Variants in HS3ST6 observed in about 807,000 individuals in gnomAD.
HS3ST6 encodes the protein heparan sulfate glucosamine 3-O-sulfotransferase 6.
HS3ST6 carries 13 observed loss-of-function variants against 11.0 expected under a neutral mutation model. That is an observed-to-expected ratio of 1.18 (90% CI 0.77 to 1.88). The LOEUF (loss-of-function observed/expected upper bound fraction) is 1.88. Among genes scored for constraint, HS3ST6 ranks in the 40% most tolerant of loss-of-function variants. The probability of loss-of-function intolerance (pLI) is 0.00; values close to 1 mark genes in which losing one functional copy is unlikely to be tolerated. For synonymous variants in HS3ST6, 232 were observed against 230.6 expected (o/e 1.01, Z -0.06); for missense variants, 541 against 494.4 (o/e 1.09, Z -0.89).
At chr16:1,919,427 G>A (rs891791421), upstream of HS3ST6, among the ~76,000 whole-genome samples, 13 of 152,334 alleles carry the variant, frequency 8.5e-5, no homozygotes, top group Non-Finnish European at 1.5e-4. Flanking sequence ...GGCGAGCCGG[G>A]CTCAGAGAGG....
At position 1,912,361 on chromosome 16, in the gene HS3ST6, G is replaced by A. The variant is rs913513877; in HGVS notation, c.414-156C>T. 1.3e-5 allele frequency among the ~76,000 whole-genome samples: 2 copies of A among 151,402 alleles called. No individual in the cohort carries two copies. Among genetic ancestry groups the A allele is most frequent in the South Asian group, 2.1e-4 (1 of 4,800 alleles). The stretch of plus-strand genomic sequence containing the variant: ...CTCGGGCCCACCCCTGCTAGCGTGC[G>A]CGGCTGGGCAGCCTGGAACATGGAC... On this transcript the variant is annotated intron_variant, in intron 1 of 1. Transcript: ENST00000454677. The surrounding 1 kb of genome is among the most constrained non-coding windows in gnomAD (Gnocchi z 5.6).
chr16:1,920,124 C>A (rs1256501721), upstream of HS3ST6, among the ~76,000 whole-genome samples: 1 of 151,066 alleles, frequency 6.6e-6, no homozygotes, highest in African/African-American at 2.4e-5. Flanking sequence ...TCTCAGCCGT[C>A]CCCATGGTCT....
Position 1,918,052 on chromosome 16 carries a change from G to T in HS3ST6, c.272C>A (p.Pro91Gln). The T allele has an allele frequency of 6.6e-7, 1 of 1,513,724 alleles. No homozygotes were observed. The highest frequency in any genetic ancestry group is 8.8e-7 in the Non-Finnish European group (1 of 1,137,528). 93.8% of individuals were successfully genotyped at this position (1,513,724 alleles called of 1,614,324 possible). ...LASGPGRRRF[P>Q]QALIVGVKKG... ...CTTCACGCCAACGATGAGCGCTTGC[G>T]GGAAGCGCCGGCGGCCGGGACCGCT... Residue 91 changes from proline to glutamine, a missense_variant, in exon 1 of 2, where the codon CCG becomes CAG. By Grantham distance (76) the Pro-to-Gln change is moderately conservative. Coordinates refer to ENST00000454677, the MANE Select transcript of HS3ST6 (RefSeq NM_001009606.4). This position sits in a 1 kb window ranked among gnomAD's most constrained non-coding sequence, Gnocchi z 6.0.
chr16:1,918,106 C>CGGTGGACGGA lies in HS3ST6; in HGVS notation c.208_217dup (p.Arg73LeufsTer53). The CGGTGGACGGA allele has an allele frequency of 6.8e-7, 1 of 1,473,124 alleles. No homozygotes were observed. Among genetic ancestry groups the CGGTGGACGGA allele is most frequent in the South Asian group, 1.3e-5 (1 of 76,288 alleles). 91.3% of individuals were successfully genotyped at this position (1,473,124 alleles called of 1,614,324 possible). A position where few individuals can be genotyped will look rare whatever the true frequency, so the allele number is the denominator to read the frequency against. On this transcript the variant is annotated frameshift_variant, in exon 1 of 2. Coordinates refer to ENST00000454677, the MANE Select transcript of HS3ST6 (RefSeq NM_001009606.4). LOFTEE classifies it high-confidence loss of function. This position sits in a 1 kb window ranked among gnomAD's most constrained non-coding sequence, Gnocchi z 6.0. ...CAAAGGCAGGCCGGGTGCTCCCGGGCGGTGGACGGAGCTGGACGGCTCGGA... is the reference window on the plus strand; with the variant it reads ...CAAAGGCAGGCCGGGTGCTCCCGGGCGGTGGACGGAGGTGGACGGAGCTGGACGGCTCGGA...
chr16:1,919,695 C>G (rs72764856), upstream of HS3ST6, among the ~76,000 whole-genome samples: 1 of 152,246 alleles, frequency 6.6e-6, no homozygotes, highest in Non-Finnish European at 1.5e-5. Flanking sequence ...AAGGCCTCCA[C>G]GACCCACAGA....
At chr16:1,920,337 C>T (rs368760278), upstream of HS3ST6, among the ~76,000 whole-genome samples, 3 of 142,886 alleles carry the variant, frequency 2.1e-5, no homozygotes, top group African/African-American at 5.2e-5. Flanking sequence ...CGGTCTCAGC[C>T]GTCCCCACGG....
At chr16:1,917,770 C>A (rs2150846590) in intron 1 of HS3ST6, 141 bp downstream of exon 1, 1 of 521,614 alleles carries the variant, frequency 1.9e-6, no homozygotes, top group Non-Finnish European at 3.0e-6. Context: ...AGCCTGGGGC[C>A]CCCACAGGGC....
rs777343981 is a variant in HS3ST6 at position 1,912,233 on chromosome 16, C to T, written c.414-28G>A. 5.1e-6 allele frequency: 7 copies of T among 1,362,674 alleles called. No homozygotes were observed. Among genetic ancestry groups the T allele is most frequent in the Admixed American group, 3.2e-5 (1 of 31,468 alleles). 84.4% of individuals were successfully genotyped at this position (1,362,674 alleles called of 1,614,324 possible). On this transcript the variant is annotated intron_variant, in intron 1 of 1. Transcript: ENST00000454677. This position sits in a 1 kb window ranked among gnomAD's most constrained non-coding sequence, Gnocchi z 5.6. ...GCGGGACGGGTGCAAGGAGAGGGGG[C>T]CTGAGCCTCCCCAGCCCTAGACCGG...
chr16:1,913,157 A>G (rs1444853727), intron 1 of HS3ST6, among the ~76,000 whole-genome samples: 3 of 152,182 alleles, frequency 2.0e-5, no homozygotes, highest in Non-Finnish European at 4.4e-5. Flanking sequence ...TCAGCAGGCC[A>G]AAAAGTTACC....
upstream of HS3ST6, among the ~76,000 whole-genome samples, chr16:1,920,363 T>C: frequency 8.6e-6 from 1 of 116,532 alleles, no homozygotes; most frequent in Non-Finnish European, 1.8e-5. Context: ...GTCCCCACGG[T>C]CTCAGCTGTT....
intron 1 of HS3ST6, among the ~76,000 whole-genome samples, chr16:1,913,552 C>T (rs1418372362): frequency 6.6e-6 from 1 of 152,156 alleles, no homozygotes; most frequent in Non-Finnish European, 1.5e-5. Flanking sequence ...GGAGGGAGAG[C>T]TGGGGAGGGC....
intron 1 of HS3ST6, among the ~76,000 whole-genome samples, chr16:1,914,691 C>G (rs1171870180): frequency 6.6e-6 from 1 of 152,142 alleles, no homozygotes; most frequent in Non-Finnish European, 1.5e-5. Context: ...AGAGGGAGCT[C>G]CGTAGGGGGA....
chr16:1,918,488 C>T (rs937401319), upstream of HS3ST6: 1 of 150,276 alleles, frequency 6.7e-6, no homozygotes, highest in East Asian at 2.0e-4. The surrounding 1 kb of genome is among the most constrained non-coding windows in gnomAD (Gnocchi z 6.0). Context: ...TGGACGCCCT[C>T]CCCCCTCCCC....
chr16:1,920,610 A>G (rs2082959062), upstream of HS3ST6, among the ~76,000 whole-genome samples: 1 of 152,132 alleles, frequency 6.6e-6, no homozygotes, highest in Non-Finnish European at 1.5e-5. Flanking sequence ...CTTTATCCTT[A>G]GTCCCCGCTG....
chr16:1,919,228 C>T (rs1043397166), upstream of HS3ST6, among the ~76,000 whole-genome samples: 4 of 152,208 alleles, frequency 2.6e-5, no homozygotes, highest in Non-Finnish European at 5.9e-5. Context: ...AAGTGGACCC[C>T]ACTGGAGTAC....
At chr16:1,919,213 T>C (rs554174300), upstream of HS3ST6, among the ~76,000 whole-genome samples, 56 of 152,318 alleles carry the variant, frequency 3.7e-4, 2 homozygotes, top group South Asian at 0.011. Context: ...TTTCGGAAGC[T>C]GGCAAAGTGG....
rs337285 is a variant in HS3ST6 at position 1,911,673 on chromosome 16, G to T, written c.946C>A (p.Leu316Met). The T allele has an allele frequency of 6.2e-6, 10 of 1,610,004 alleles. No individual in the cohort carries two copies. Among genetic ancestry groups the T allele is most frequent in the Middle Eastern group, 1.6e-4 (1 of 6,076 alleles). Reference sequence around the variant, plus strand: ...TAGAACTCCTGCAGGCGCCGGACCAGGGCCTGGGGCACGCGTGGGTGTGGC... The same window carrying T: ...TAGAACTCCTGCAGGCGCCGGACCATGGCCTGGGGCACGCGTGGGTGTGGC... ...GRPHPRVPQALVRRLQEFYRP... is the reference protein window; with the variant it reads ...GRPHPRVPQAMVRRLQEFYRP... The change falls in exon 2 of 2, where the codon CTG (leucine) becomes ATG (methionine). Residue 316 changes from leucine to methionine, a missense_variant. Coordinates refer to ENST00000454677, the MANE Select transcript of HS3ST6 (RefSeq NM_001009606.4).
intron 1 of HS3ST6, among the ~76,000 whole-genome samples, chr16:1,913,429 C>A (rs1239928531): frequency 5.3e-5 from 8 of 152,196 alleles, no homozygotes; most frequent in South Asian, 2.1e-4. Context: ...GGGTGCCCAG[C>A]CCGGGCAGGC....
At chr16:1,918,638 C>A (rs1463490397), upstream of HS3ST6, among the ~76,000 whole-genome samples, 18 of 152,074 alleles carry the variant, frequency 1.2e-4, no homozygotes. This position sits in a 1 kb window ranked among gnomAD's most constrained non-coding sequence, Gnocchi z 6.0. Context: ...CGCTTGACTC[C>A]GGCATCTTCA....
Sources: allele counts gnomAD v4.1 joint callset (sites outside exome capture counted in the v4.1 genomes callset), GRCh38; gene constraint gnomAD v4.1.1; non-coding constraint Gnocchi (gnomAD v3.1); transcripts MANE v1.5; gene names NCBI Gene and HGNC (gene_info 2026-07-23, HGNC 2026-07-21).